Variants in TAS2R1 observed in about 807,000 individuals in gnomAD.
TAS2R1 encodes the protein taste receptor type 2 member 1.
For missense variants in TAS2R1, 370 were observed against 353.4 expected, an observed-to-expected ratio of 1.05 and a Z score of -0.38; for synonymous variants, 141 against 134.2, an observed-to-expected ratio of 1.05 and a Z score of -0.35.
At chr5:9,694,236 G>A (rs993134571) in intron 1 of TAS2R1, among the ~76,000 whole-genome samples, 3 of 151,942 alleles carry the variant, frequency 2.0e-5, no homozygotes, top group Non-Finnish European at 4.4e-5. Flanking sequence ...ACGACAAATT[G>A]TAACAATGAA....
At chr5:9,705,183 C>G (rs941211247) in intron 1 of TAS2R1, among the ~76,000 whole-genome samples, 2 of 152,072 alleles carry the variant, frequency 1.3e-5, no homozygotes, top group African/African-American at 4.8e-5. Flanking sequence ...GACATGCATG[C>G]ATGTGTATAA....
the TAS2R1 span, among the ~76,000 whole-genome samples, chr5:9,744,861 A>C: frequency 6.6e-6 from 1 of 152,226 alleles, no homozygotes; most frequent in African/African-American, 2.4e-5. Flanking sequence ...GTTATGGTGA[A>C]GTTTCAGAAA....
At chr5:9,688,704 C>G (rs900896492) in intron 1 of TAS2R1, among the ~76,000 whole-genome samples, 1 of 152,202 alleles carries the variant, frequency 6.6e-6, no homozygotes, top group East Asian at 1.9e-4. Flanking sequence ...ATGCACAGAA[C>G]AGGGCAGAAA....
chr5:9,902,964 G>A, the TAS2R1 span, among the ~76,000 whole-genome samples: 1 of 151,948 alleles, frequency 6.6e-6, no homozygotes, highest in Non-Finnish European at 1.5e-5. Flanking sequence ...AAATGTGTGA[G>A]TATGTAGTAA....
At chr5:9,821,077 A>G in the TAS2R1 span, among the ~76,000 whole-genome samples, 2 of 152,134 alleles carry the variant, frequency 1.3e-5, no homozygotes, top group East Asian at 3.9e-4. Flanking sequence ...AAAGAGAGAG[A>G]CCCTTGATAG....
At chr5:9,631,798 A>G (rs1739877723), upstream of TAS2R1, among the ~76,000 whole-genome samples, 1 of 152,202 alleles carries the variant, frequency 6.6e-6, no homozygotes, top group Admixed American at 6.5e-5. Context: ...GTAAATCTGT[A>G]GGTTCTTTTA....
the TAS2R1 span, among the ~76,000 whole-genome samples, chr5:9,786,006 C>T: frequency 1.9e-4 from 29 of 152,206 alleles, no homozygotes; most frequent in Admixed American, 1.9e-3. Flanking sequence ...CAATCCATGA[C>T]CCCTGCTGCT....
intron 1 of TAS2R1, among the ~76,000 whole-genome samples, chr5:9,710,514 A>G (rs1186075209): frequency 6.6e-6 from 1 of 152,208 alleles, no homozygotes; most frequent in Non-Finnish European, 1.5e-5. Flanking sequence ...GATAGACTGA[A>G]ATATCTCTAG....
intron 2 of TAS2R1, among the ~76,000 whole-genome samples, chr5:9,657,058 C>A (rs948182115): frequency 3.9e-5 from 6 of 151,938 alleles, no homozygotes; most frequent in African/African-American, 1.4e-4. Flanking sequence ...TCAATAAAGA[C>A]AATTGTAATA....
chr5:9,801,819 G>A, the TAS2R1 span, among the ~76,000 whole-genome samples: 1 of 152,116 alleles, frequency 6.6e-6, no homozygotes, highest in South Asian at 2.1e-4. Context: ...ATTCCCCTGG[G>A]AACATAACTC....
At chr5:9,775,599 G>A in the TAS2R1 span, among the ~76,000 whole-genome samples, 2 of 152,108 alleles carry the variant, frequency 1.3e-5, no homozygotes, top group South Asian at 2.1e-4. Flanking sequence ...TACTGTCTGG[G>A]GGCTGCTGTT....
At chr5:9,894,990 T>G in the TAS2R1 span, among the ~76,000 whole-genome samples, 2 of 152,250 alleles carry the variant, frequency 1.3e-5, no homozygotes, top group Non-Finnish European at 2.9e-5. Context: ...CTAACATAAC[T>G]GGAGAAGACC....
the TAS2R1 span, among the ~76,000 whole-genome samples, chr5:9,902,379 G>C: frequency 6.6e-6 from 1 of 151,988 alleles, no homozygotes; most frequent in African/African-American, 2.4e-5. Context: ...AATCCCTGTA[G>C]AGCACATAAC....
the TAS2R1 span, among the ~76,000 whole-genome samples, chr5:9,769,265 G>A: frequency 6.6e-6 from 1 of 151,914 alleles, no homozygotes; most frequent in Non-Finnish European, 1.5e-5. Flanking sequence ...TTTTTTTATG[G>A]CTGAATAGTA....
the TAS2R1 span, among the ~76,000 whole-genome samples, chr5:9,795,625 T>C: frequency 6.6e-6 from 1 of 152,118 alleles, no homozygotes; most frequent in Admixed American, 6.5e-5. Context: ...CTTGGCCCCA[T>C]CCAAGACAAA....
At chr5:9,753,250 T>A in the TAS2R1 span, among the ~76,000 whole-genome samples, 8 of 152,190 alleles carry the variant, frequency 5.3e-5, no homozygotes, top group African/African-American at 1.9e-4. Context: ...TCTAACTGGT[T>A]TGAGATGGTA....
At chr5:9,662,595 A>T (rs1740559972) in intron 1 of TAS2R1, among the ~76,000 whole-genome samples, 1 of 152,174 alleles carries the variant, frequency 6.6e-6, no homozygotes, top group Admixed American at 6.5e-5. Flanking sequence ...CTCAAGTGAG[A>T]ATAAGTAGAT....
chr5:9,736,145 G>A, the TAS2R1 span, among the ~76,000 whole-genome samples: 5 of 152,196 alleles, frequency 3.3e-5, no homozygotes, highest in African/African-American at 9.6e-5. Flanking sequence ...TCCTCTCAGT[G>A]TTTTACACAG....
chr5:9,867,103 A>T, the TAS2R1 span: 1 of 152,300 alleles, frequency 6.6e-6, no homozygotes, highest in African/African-American at 2.4e-5. Flanking sequence ...TGCTGACAAG[A>T]TTGGTTCTTG....
Sources: allele counts gnomAD v4.1 joint callset (sites outside exome capture counted in the v4.1 genomes callset), GRCh38; gene constraint gnomAD v4.1.1; transcripts MANE v1.5; gene names NCBI Gene and HGNC (gene_info 2026-07-23, HGNC 2026-07-21).